Variants in LMBRD1 observed in about 807,000 individuals in gnomAD.
LMBRD1 encodes lysosomal cobalamin transport escort protein LMBD1.
A neutral mutation model predicts 74.8 loss-of-function variants in LMBRD1; 64 were observed. The ratio of observed to expected loss-of-function variants is 0.86; its 90% confidence interval spans 0.70 to 1.05. LMBRD1 has a LOEUF of 1.05. Ranked by LOEUF, LMBRD1 falls within the 50% of genes least tolerant of loss-of-function variation. The pLI is 0.00. For synonymous variants in LMBRD1, 204 were observed against 216.3 expected, an observed-to-expected ratio of 0.94 and a Z score of 0.50; for missense variants, 652 against 645.9, an observed-to-expected ratio of 1.01 and a Z score of -0.10.
intron 3 of LMBRD1, among the ~76,000 whole-genome samples, chr6:69,773,087 C>G (rs1765608793): frequency 6.6e-6 from 1 of 152,118 alleles, no homozygotes; most frequent in Admixed American, 6.5e-5. Flanking sequence ...GTTGTAAACC[C>G]TACTATGATT....
In LMBRD1 at chr6:69,797,010, T is replaced by A. The variant is rs376651568; in HGVS notation, c.-129A>T. The A allele has an allele frequency of 1.2e-6, 1 of 809,964 alleles. No homozygotes were observed. The highest frequency in any genetic ancestry group is 1.7e-5 in the African/African-American group (1 of 58,692). The allele number at this position is 809,964 out of a possible 1,614,324, so 50.2% of individuals were successfully genotyped here. ...AAAGGGGCGGAGGGGGAGGAGCAAG[T>A]GGTTGCCAAGGAGACTGGACCCACT... On this transcript the variant is annotated 5_prime_UTR_variant, in exon 1 of 16. Coordinates refer to ENST00000649934, the MANE Select transcript of LMBRD1 (RefSeq NM_018368.4).
chr6:69,743,179 G>A (rs1203141195), intron 5 of LMBRD1, among the ~76,000 whole-genome samples: 1 of 152,084 alleles, frequency 6.6e-6, no homozygotes, highest in African/African-American at 2.4e-5. Flanking sequence ...GTTTGTTCTG[G>A]ATATCCCAAA....
chr6:69,789,031 G>C (rs1475061654), intron 2 of LMBRD1, among the ~76,000 whole-genome samples: 2 of 152,158 alleles, frequency 1.3e-5, no homozygotes, highest in Non-Finnish European at 2.9e-5. Context: ...AATAGAGTCT[G>C]ACACATAGCA....
In LMBRD1 at chr6:69,676,168, T is replaced by C. The variant is rs982934588; in HGVS notation, c.1613A>G (p.Tyr538Cys). 4 of 1,612,322 alleles carry C rather than the reference T, an allele frequency of 2.5e-6. No homozygotes were observed. Among genetic ancestry groups the C allele is most frequent in the Non-Finnish European group, 2.5e-6 (3 of 1,178,674 alleles). Residue 538 changes from tyrosine (Y) to cysteine (C), a missense_variant, in exon 16 of 16, where the codon TAT becomes TGT. Around this residue, in one of 3 missense-constraint regions of LMBRD1, gnomAD observed 51 missense variants for 46.9 expected, o/e 1.09. Transcript: ENST00000649934. ...SDISDDEPSV[Y>C]SA ...TAAGACAGAAGGCTGTCAAGCAGAA[T>C]AGACAGAGGGCTCATCATCACTTAT...
chr6:69,734,539 G>A (rs1212037373), intron 7 of LMBRD1, among the ~76,000 whole-genome samples: 3 of 151,982 alleles, frequency 2.0e-5, no homozygotes, highest in African/African-American at 4.8e-5. Flanking sequence ...GCGATTACAG[G>A]AGCCCACCAC....
intron 3 of LMBRD1, among the ~76,000 whole-genome samples, chr6:69,777,681 CA>C (rs71750044): frequency 7.1e-4 from 100 of 140,340 alleles, no homozygotes; most frequent in Non-Finnish European, 5.3e-4. Context: ...GTAGAAAATA[CA>C]AAAAAAAAAA....
chr6:69,726,105 T>A (rs1178538180), intron 7 of LMBRD1, among the ~76,000 whole-genome samples: 6 of 152,098 alleles, frequency 3.9e-5, no homozygotes, highest in Non-Finnish European at 7.4e-5. Flanking sequence ...AAAATAGACA[T>A]ACAAATGACA....
At chr6:69,680,777 A>C (rs1418147143) in intron 14 of LMBRD1, among the ~76,000 whole-genome samples, 1 of 152,076 alleles carries the variant, frequency 6.6e-6, no homozygotes, top group Non-Finnish European at 1.5e-5. Context: ...CCATATAAAA[A>C]TTTTTGCTAA....
intron 9 of LMBRD1, among the ~76,000 whole-genome samples, chr6:69,706,399 T>C (rs1416627444): frequency 6.6e-6 from 1 of 152,216 alleles, no homozygotes; most frequent in Admixed American, 6.6e-5. Context: ...GAAAAGTATG[T>C]TAATCTATTG....
In LMBRD1 at chr6:69,796,915, G is replaced by T; in HGVS notation, c.-34C>A. On this transcript the variant is annotated 5_prime_UTR_variant, in exon 1 of 16. Transcript: ENST00000649934. ...CCGGTCCAGACCAACCTGAGCGCCC[G>T]GGGTGGGGAAAGGGGAGGGGGAAAG... is the stretch of plus-strand genomic sequence containing the variant. 1 of 1,604,348 alleles carries T rather than the reference G, an allele frequency of 6.2e-7. No individual in the cohort carries two copies. The highest frequency in any genetic ancestry group is 8.5e-7 in the Non-Finnish European group (1 of 1,172,646).
rs1382408335 is a variant in LMBRD1, at chr6:69,697,584, A to T, written c.1396T>A (p.Cys466Ser). Residue 466 changes from cysteine (C) to serine (S), a missense_variant, in exon 14 of 16, where the codon TGT becomes AGT. Cys to Ser is a moderately radical substitution (Grantham distance 112, BLOSUM62 -1). Coordinates refer to ENST00000649934, the MANE Select transcript of LMBRD1 (RefSeq NM_018368.4). Reference sequence around the variant, plus strand: ...TTACCTTCAGGAGCATCTGCATCACATCTCTTTGGCACAGAAAGGGTTGAA... The same window carrying T: ...TTACCTTCAGGAGCATCTGCATCACTTCTCTTTGGCACAGAAAGGGTTGAA... ...GNSTLSVPKRCDADAPEDQCT... is the reference protein window; with the variant it reads ...GNSTLSVPKRSDADAPEDQCT... 1.9e-6 allele frequency: 3 copies of T among 1,607,038 alleles called. No individual in the cohort carries two copies. Among genetic ancestry groups the T allele is most frequent in the Non-Finnish European group, 2.6e-6 (3 of 1,174,382 alleles).
At chr6:69,719,210 T>A (rs962422223) in intron 7 of LMBRD1, 129 bp from the exon 8 acceptor site, 1 of 791,916 alleles carries the variant, frequency 1.3e-6, no homozygotes, top group Non-Finnish European at 2.1e-6. Flanking sequence ...ACTGAAAACA[T>A]GGTATATGGG....
At chr6:69,680,108 C>G (rs977542750) in intron 14 of LMBRD1, among the ~76,000 whole-genome samples, 2 of 152,070 alleles carry the variant, frequency 1.3e-5, no homozygotes, top group South Asian at 4.1e-4. Flanking sequence ...TCAGTATCAG[C>G]ATACACTGCT....
chr6:69,717,553 T>A (rs1417004610), intron 8 of LMBRD1, among the ~76,000 whole-genome samples: 1 of 152,230 alleles, frequency 6.6e-6, no homozygotes, highest in Admixed American at 6.5e-5. Context: ...CTAAGATGTT[T>A]ATATTTCACA....
chr6:69,749,859 T>C (rs1296490645), intron 4 of LMBRD1, among the ~76,000 whole-genome samples: 2 of 146,978 alleles, frequency 1.4e-5, no homozygotes, highest in African/African-American at 2.5e-5. Flanking sequence ...CATACTCATA[T>C]ATACATATAT....
At chr6:69,736,281 T>C (rs565563168) in intron 7 of LMBRD1, among the ~76,000 whole-genome samples, 1 of 152,114 alleles carries the variant, frequency 6.6e-6, no homozygotes, top group African/African-American at 2.4e-5. Flanking sequence ...ATGCAGAAAA[T>C]ATCTTTCCCT....
chr6:69,751,197 T>C (rs1244183368), intron 4 of LMBRD1, among the ~76,000 whole-genome samples: 1 of 152,208 alleles, frequency 6.6e-6, no homozygotes, highest in Non-Finnish European at 1.5e-5. Context: ...ATAATATCAA[T>C]ATATTTCTAA....
intron 2 of LMBRD1, among the ~76,000 whole-genome samples, 172 bp downstream of exon 2, chr6:69,790,124 T>G (rs1252043977): frequency 1.3e-5 from 2 of 152,220 alleles, no homozygotes; most frequent in African/African-American, 4.8e-5. Flanking sequence ...CTTATGTCAG[T>G]TGTAAGTCTG....
chr6:69,756,362 CAA>C (rs57798368), intron 3 of LMBRD1, among the ~76,000 whole-genome samples: 19 of 110,362 alleles, frequency 1.7e-4, no homozygotes, highest in Admixed American at 1.9e-4. Context: ...GACTCAATCT[CAA>C]AAAAAAAAAA....
Sources: allele counts gnomAD v4.1 joint callset (sites outside exome capture counted in the v4.1 genomes callset), GRCh38; gene constraint gnomAD v4.1.1; regional missense constraint gnomAD v4.1.1; transcripts MANE v1.5; gene names NCBI Gene and HGNC (gene_info 2026-07-23, HGNC 2026-07-21).